CHST8: variants seen among roughly 807,000 people sequenced by gnomAD.
The protein encoded by CHST8 is carbohydrate sulfotransferase 8.
In CHST8, 10 loss-of-function variants were observed where a neutral mutation model predicts 15.0. The observed-to-expected ratio is 0.67, with a 90% confidence interval of 0.41 to 1.13. The LOEUF is 1.13. Ranked by LOEUF, CHST8 falls within the 50% of genes most tolerant of loss-of-function variation. The pLI, the probability that CHST8 is intolerant of heterozygous loss-of-function variation, is 0.00. For synonymous variants in CHST8, 259 were observed against 256.6 expected (o/e 1.01, Z -0.09); for missense variants, 634 against 608.2 (o/e 1.04, Z -0.45).
intron 3 of CHST8, among the ~76,000 whole-genome samples, chr19:33,711,334 A>G (rs1973545044): frequency 6.6e-6 from 1 of 152,192 alleles, no homozygotes; most frequent in Admixed American, 6.5e-5. Flanking sequence ...ACTCAACCAC[A>G]GTGCTGAGCT....
At chr19:33,683,666 G>A (rs960501280) in intron 2 of CHST8, among the ~76,000 whole-genome samples, 3 of 152,166 alleles carry the variant, frequency 2.0e-5, no homozygotes, top group East Asian at 3.9e-4. Context: ...CTATTAACTC[G>A]TGCTCATTCA....
At chr19:33,683,750 G>A (rs1215395555) in intron 2 of CHST8, among the ~76,000 whole-genome samples, 3 of 152,194 alleles carry the variant, frequency 2.0e-5, no homozygotes, top group African/African-American at 7.2e-5. Context: ...CAAAGATGGG[G>A]AGAGGCCTCG....
At chr19:33,766,378 C>A (rs1974843044) in intron 3 of CHST8, among the ~76,000 whole-genome samples, 1 of 152,176 alleles carries the variant, frequency 6.6e-6, no homozygotes, top group Non-Finnish European at 1.5e-5. Context: ...TTCCCTCAGG[C>A]CTCTCTCCCC....
At chr19:33,766,037 A>G (rs1301665931) in intron 3 of CHST8, among the ~76,000 whole-genome samples, 1 of 152,046 alleles carries the variant, frequency 6.6e-6, no homozygotes, top group Non-Finnish European at 1.5e-5. Context: ...CTGCGGCACC[A>G]GGTCTTCCCT....
intron 1 of CHST8, among the ~76,000 whole-genome samples, chr19:33,627,144 C>T (rs1018584364): frequency 2.0e-5 from 3 of 149,902 alleles, no homozygotes; most frequent in African/African-American, 7.4e-5. Context: ...TGTTACCCAG[C>T]CTGGAGTGTA....
chr19:33,683,417 G>T (rs149237990), intron 2 of CHST8, among the ~76,000 whole-genome samples: 1 of 152,324 alleles, frequency 6.6e-6, no homozygotes, highest in East Asian at 1.9e-4. Context: ...GCAAAAGTGA[G>T]GTCCTGGTGG....
chr19:33,674,877 G>A (rs1568323003), intron 2 of CHST8, among the ~76,000 whole-genome samples: 1 of 152,276 alleles, frequency 6.6e-6, no homozygotes, highest in Non-Finnish European at 1.5e-5. Context: ...TTGGCCAGGA[G>A]CTGGGTGTGT....
chr19:33,741,001 GGT>G (rs1974177593), intron 3 of CHST8, among the ~76,000 whole-genome samples: 2 of 152,208 alleles, frequency 1.3e-5, no homozygotes. Context: ...AGCTGTCCGT[GGT>G]TCTGAAAACA....
intron 2 of CHST8, among the ~76,000 whole-genome samples, chr19:33,680,484 G>A (rs1009138877): frequency 6.6e-6 from 1 of 152,154 alleles, no homozygotes; most frequent in African/African-American, 2.4e-5. Context: ...ATTATCCATG[G>A]ATCACGTCAG....
At chr19:33,756,155 A>C (rs553163045) in intron 3 of CHST8, among the ~76,000 whole-genome samples, 1 of 152,344 alleles carries the variant, frequency 6.6e-6, no homozygotes, top group South Asian at 2.1e-4. Flanking sequence ...ACTTCATGTT[A>C]TTGAATAACG....
At chr19:33,771,932 A>G in intron 4 of CHST8, 25 bp from the exon 5 acceptor site, 4 of 1,532,242 alleles carry the variant, frequency 2.6e-6, no homozygotes, top group Non-Finnish European at 3.5e-6. Flanking sequence ...TTCCACTCAG[A>G]TAACCACTTC....
In CHST8 at chr19:33,745,853, G is replaced by A. The variant is rs1052856680; in HGVS notation, c.131-25560G>A. The stretch of plus-strand genomic sequence containing the variant: ...ACTCTCTGGAGAGAGACCCAGCCAA[G>A]CTGCAGGGCTGTGATTTCACAATCT... On this transcript the variant is annotated intron_variant, in intron 3 of 4. Coordinates refer to ENST00000650847, the MANE Select transcript of CHST8 (RefSeq NM_001127895.2). Among the ~76,000 whole-genome samples, 4 of 152,228 alleles carry A rather than the reference G, an allele frequency of 2.6e-5. No homozygotes were observed. In the East Asian group the frequency reaches 7.7e-4, roughly 29 times the overall value.
intron 2 of CHST8, among the ~76,000 whole-genome samples, chr19:33,683,468 G>T (rs1029819744): frequency 6.6e-6 from 1 of 152,224 alleles, no homozygotes; most frequent in Non-Finnish European, 1.5e-5. Flanking sequence ...GGCTCCACTG[G>T]GCTCCCTGGG....
chr19:33,742,741 TTTC>T (rs1274436977), intron 3 of CHST8, among the ~76,000 whole-genome samples: 1 of 152,152 alleles, frequency 6.6e-6, no homozygotes, highest in Non-Finnish European at 1.5e-5. Context: ...ACCACCTGAC[TTTC>T]TTGTTTTTTG....
intron 1 of CHST8, among the ~76,000 whole-genome samples, chr19:33,644,733 C>A (rs1972328306): frequency 6.6e-6 from 1 of 151,926 alleles, no homozygotes; most frequent in Admixed American, 6.6e-5. Flanking sequence ...GGAGCAAGAC[C>A]CTGTCTCTAA....
At chr19:33,736,086 C>T (rs956654530) in intron 3 of CHST8, among the ~76,000 whole-genome samples, 2 of 152,184 alleles carry the variant, frequency 1.3e-5, no homozygotes, top group East Asian at 1.9e-4. Context: ...GCCCAGCCTG[C>T]GCTTGGAAGC....
chr19:33,717,919 A>G (rs1048620336), intron 3 of CHST8, among the ~76,000 whole-genome samples: 1 of 152,162 alleles, frequency 6.6e-6, no homozygotes, highest in Non-Finnish European at 1.5e-5. Flanking sequence ...ATTCAGAGGT[A>G]CTGGGGGTTA....
chr19:33,678,162 G>A (rs1261348173), intron 2 of CHST8, among the ~76,000 whole-genome samples: 1 of 152,170 alleles, frequency 6.6e-6, no homozygotes. Context: ...GGCACCAAGG[G>A]GTCACTGGGG....
At chr19:33,739,488 T>G (rs1363885830) in intron 3 of CHST8, among the ~76,000 whole-genome samples, 1 of 152,232 alleles carries the variant, frequency 6.6e-6, no homozygotes, top group East Asian at 1.9e-4. Flanking sequence ...TAAATTACAC[T>G]GTTGTTTTAG....
Sources: allele counts gnomAD v4.1 joint callset (sites outside exome capture counted in the v4.1 genomes callset), GRCh38; gene constraint gnomAD v4.1.1; transcripts MANE v1.5; gene names NCBI Gene and HGNC (gene_info 2026-07-23, HGNC 2026-07-21).